Variants in C16orf74 observed in about 807,000 individuals in gnomAD.
The protein encoded by C16orf74 is uncharacterized protein C16orf74.
Under a neutral mutation model 6.5 loss-of-function variants are expected in C16orf74, and 10 were observed. The observed-to-expected ratio is 1.54, with a 90% CI of 0.95 to 2.61. The LOEUF is 2.61. C16orf74 is among the 30% of genes most tolerant of loss of function. The pLI is 0.00. For synonymous variants in C16orf74, 60 were observed against 42.5 expected, an observed-to-expected ratio of 1.41 and a Z score of -1.60; for missense variants, 141 against 105.9, an observed-to-expected ratio of 1.33 and a Z score of -1.45.
At chr16:85,712,299 G>A (rs1232821122) in intron 2 of C16orf74, among the ~76,000 whole-genome samples, 1 of 152,168 alleles carries the variant, frequency 6.6e-6, no homozygotes, top group Admixed American at 6.5e-5. Flanking sequence ...CTCAATTCCT[G>A]ACCCACAGAA....
chr16:85,714,578 C>A (rs997392389), intron 2 of C16orf74, among the ~76,000 whole-genome samples: 4 of 151,734 alleles, frequency 2.6e-5, no homozygotes, highest in Non-Finnish European at 5.9e-5. Flanking sequence ...TGCCACCACA[C>A]CCAGCTAATT....
At chr16:85,729,275 G>A (rs868267073) in intron 2 of C16orf74, among the ~76,000 whole-genome samples, 2 of 152,218 alleles carry the variant, frequency 1.3e-5, no homozygotes, top group Non-Finnish European at 2.9e-5. Flanking sequence ...ATGCCAGCAC[G>A]TGCCAACCCT....
intron 1 of C16orf74, among the ~76,000 whole-genome samples, chr16:85,735,544 T>G (rs1225989210): frequency 6.6e-6 from 1 of 152,102 alleles, no homozygotes; most frequent in African/African-American, 2.4e-5. Context: ...TGCAGTGAAC[T>G]GATGATGGGG....
In C16orf74 at chr16:85,710,169, C is replaced by T. The variant is rs756428810; in HGVS notation, c.167G>A (p.Ser56Asn). 17 of 1,447,336 alleles carry T rather than the reference C, an allele frequency of 1.2e-5. No individual in the cohort carries two copies. Among genetic ancestry groups the T allele is most frequent in the Non-Finnish European group, 1.5e-5 (17 of 1,106,944 alleles). 89.7% of individuals were successfully genotyped at this position (1,447,336 alleles called of 1,614,324 possible). A position where few individuals can be genotyped will look rare whatever the true frequency, so the allele number is the denominator to read the frequency against. ...GGTGGAGGGGACGGCCTCACCTGTG[C>T]TCCCCAAGTCCCTCGGCAGCATCAT... is the stretch of plus-strand genomic sequence containing the variant. ...TGMMLPRDLG[S>N]TVWLDETGSC... Residue 56 changes from serine to asparagine, a missense_variant, in exon 3 of 4, where the codon AGC (serine) becomes AAC (asparagine). By Grantham distance (46) the Ser-to-Asn change is conservative. Transcript: ENST00000284245.
intron 1 of C16orf74, among the ~76,000 whole-genome samples, chr16:85,744,645 A>T (rs1354877566): frequency 6.6e-6 from 1 of 151,938 alleles, no homozygotes; most frequent in African/African-American, 2.4e-5. Flanking sequence ...CCTGGCTAAC[A>T]CGGTGAAACC....
chr16:85,747,031 G>A (rs2054381834), intron 1 of C16orf74, among the ~76,000 whole-genome samples: 1 of 152,114 alleles, frequency 6.6e-6, no homozygotes, highest in Non-Finnish European at 1.5e-5. Flanking sequence ...GCCTTCACCA[G>A]CAGGAAGCGA....
chr16:85,713,438 A>T (rs1290640501), intron 2 of C16orf74, among the ~76,000 whole-genome samples: 1 of 151,992 alleles, frequency 6.6e-6, no homozygotes, highest in Non-Finnish European at 1.5e-5. Flanking sequence ...ATGCCCAGCT[A>T]ATTTTTGTAT....
chr16:85,744,461 G>A (rs1216426945), intron 1 of C16orf74, among the ~76,000 whole-genome samples: 3 of 151,936 alleles, frequency 2.0e-5, no homozygotes, highest in Non-Finnish European at 4.4e-5. Context: ...TGTTCCCGTT[G>A]AAATATCAGA....
chr16:85,733,996 G>C (rs1180251277), intron 2 of C16orf74, among the ~76,000 whole-genome samples: 4 of 152,220 alleles, frequency 2.6e-5, no homozygotes, highest in Admixed American at 6.5e-5. Flanking sequence ...CCCAGCCTGG[G>C]AATCTGAAGG....
At position 85,715,238 on chromosome 16, in the gene C16orf74, A is replaced by C. The variant is rs190161347; in HGVS notation, c.29-4931T>G. Reference sequence around the variant, plus strand: ...AGTGTGAAACAAATCAAAGGAAGTCACTTGGAGAGAGGCGCCCCTACCCCA... The same window carrying C: ...AGTGTGAAACAAATCAAAGGAAGTCCCTTGGAGAGAGGCGCCCCTACCCCA... On this transcript the variant is annotated intron_variant, in intron 2 of 3. Coordinates refer to ENST00000284245, the MANE Select transcript of C16orf74 (RefSeq NM_206967.3). Among the ~76,000 whole-genome samples the C allele has an allele frequency of 1.6e-3, 249 of 151,964 alleles. 2 individuals are homozygous for C. The highest frequency in any genetic ancestry group is 5.9e-3 in the African/African-American group (243 of 41,424).
intron 2 of C16orf74, among the ~76,000 whole-genome samples, chr16:85,732,041 G>A (rs1255837089): frequency 6.6e-6 from 1 of 152,216 alleles, no homozygotes; most frequent in African/African-American, 2.4e-5. Flanking sequence ...CTGGACTAGG[G>A]TGGGTGCTAA....
chr16:85,735,741 G>T (rs1387170861), intron 1 of C16orf74, among the ~76,000 whole-genome samples: 1 of 80,610 alleles, frequency 1.2e-5, no homozygotes, highest in Non-Finnish European at 2.6e-5. Flanking sequence ...GAGCTATAGA[G>T]GACGTGTGGC....
chr16:85,717,154 A>G (rs1282340080), intron 2 of C16orf74, among the ~76,000 whole-genome samples: 3 of 152,154 alleles, frequency 2.0e-5, no homozygotes, highest in Admixed American at 2.0e-4. Context: ...CAGACCACAG[A>G]ACCCAGGCCC....
At position 85,720,957 on chromosome 16, in the gene C16orf74, G is replaced by C. The variant is rs188893069; in HGVS notation, c.29-10650C>G. On this transcript the variant is annotated intron_variant, in intron 2 of 3. Transcript: ENST00000284245. ...ACAAAAAGAATTAGCCAGCCGTGGT[G>C]GTGGGCACCTGTAATCCCAGCTACT... Among the ~76,000 whole-genome samples the C allele has an allele frequency of 5.3e-4, 80 of 152,196 alleles. No homozygotes were observed. In the South Asian group the frequency reaches 0.011, roughly 20 times the overall value.
intron 1 of C16orf74, 127 bp from the exon 2 acceptor site, chr16:85,735,362 C>G (rs977955888): frequency 4.0e-6 from 2 of 493,940 alleles, no homozygotes; most frequent in Non-Finnish European, 7.1e-6. Flanking sequence ...GAGAAACCAC[C>G]GGCCTCCAGG....
At chr16:85,732,614 C>T (rs1360344506) in intron 2 of C16orf74, among the ~76,000 whole-genome samples, 1 of 127,208 alleles carries the variant, frequency 7.9e-6, no homozygotes, top group East Asian at 2.7e-4. Flanking sequence ...TGCAGTGAGT[C>T]GAGATTGCAC....
In C16orf74 at chr16:85,723,564, T is replaced by C. The variant is rs141195566; in HGVS notation, c.28+11626A>G. 7.6e-4 allele frequency among the ~76,000 whole-genome samples: 116 copies of C among 152,284 alleles called. 2 individuals are homozygous for C. In the East Asian group the frequency reaches 9.4e-3, roughly 12 times the overall value. ...TGGGGTGAGTGGAAGGGGCTGCTGG[T>C]GTGACTTCAGGGGGTTCACTGGCAA... On this transcript the variant is annotated intron_variant, in intron 2 of 3. Transcript: ENST00000284245.
chr16:85,749,352 C>A (rs1372782810), intron 1 of C16orf74, among the ~76,000 whole-genome samples: 1 of 152,074 alleles, frequency 6.6e-6, no homozygotes, highest in Admixed American at 6.6e-5. Flanking sequence ...GTGGCGTGAT[C>A]ATAGCTCACT....
At chr16:85,740,697 A>C (rs1269154856) in intron 1 of C16orf74, among the ~76,000 whole-genome samples, 2 of 280 alleles carry the variant, frequency 7.1e-3, no homozygotes, top group Non-Finnish European at 0.02. Context: ...GTTTCAAAAA[A>C]AAAAAAAAAA....
Sources: gnomAD v4.1 joint callset for allele counts (sites outside exome capture counted in the v4.1 genomes callset) on GRCh38, gnomAD v4.1.1 for gene constraint, MANE v1.5 for transcripts, NCBI Gene and HGNC (gene_info 2026-07-23, HGNC 2026-07-21) for gene names.